Variants in CACNA2D3 observed in about 807,000 individuals in gnomAD.
CACNA2D3 encodes calcium voltage-gated channel auxiliary subunit alpha2delta 3.
CACNA2D3 carries 60 observed loss-of-function variants against 160.6 expected under a neutral mutation model. The observed-to-expected ratio is 0.37, with a 90% confidence interval of 0.30 to 0.46. The LOEUF is 0.46. Ranked by LOEUF, CACNA2D3 falls within the 20% of genes least tolerant of loss-of-function variation. The pLI is 1.00. For missense variants in CACNA2D3, 1,205 were observed against 1,365.0 expected (o/e 0.88, Z 1.85); for synonymous variants, 558 against 492.9 (o/e 1.13, Z -1.75).
intron 5 of CACNA2D3, among the ~76,000 whole-genome samples, chr3:54,526,092 A>G (rs903469733): frequency 6.6e-6 from 1 of 151,702 alleles, no homozygotes; most frequent in Non-Finnish European, 1.5e-5. Context: ...CTCCAGTTCA[A>G]ATATGCTTTT....
At chr3:54,261,842 G>A (rs1425617738) in intron 2 of CACNA2D3, among the ~76,000 whole-genome samples, 1 of 152,194 alleles carries the variant, frequency 6.6e-6, no homozygotes, top group Non-Finnish European at 1.5e-5. Flanking sequence ...ATATGCTAGA[G>A]TGTTTGAAAT....
At chr3:54,660,966 G>C (rs536578111) in intron 11 of CACNA2D3, among the ~76,000 whole-genome samples, 2 of 152,342 alleles carry the variant, frequency 1.3e-5, no homozygotes, top group Admixed American at 6.5e-5. Context: ...CTCTTTGGGG[G>C]AGGCTTGTAA....
chr3:54,597,042 C>T (rs997325670), intron 9 of CACNA2D3, among the ~76,000 whole-genome samples: 1 of 152,162 alleles, frequency 6.6e-6, no homozygotes, highest in African/African-American at 2.4e-5. Flanking sequence ...GTCAGGCTCT[C>T]CATAGATAGC....
intron 2 of CACNA2D3, among the ~76,000 whole-genome samples, chr3:54,160,932 C>T (rs948863496): frequency 2.0e-5 from 3 of 152,156 alleles, no homozygotes; most frequent in Non-Finnish European, 4.4e-5. Context: ...ACCATTTTGC[C>T]GAAAGAAAAA....
intron 4 of CACNA2D3, among the ~76,000 whole-genome samples, chr3:54,467,893 G>C (rs1441143894): frequency 2.0e-5 from 3 of 152,156 alleles, no homozygotes; most frequent in Non-Finnish European, 4.4e-5. Flanking sequence ...TTATCACAAA[G>C]AAATGATGAA....
intron 9 of CACNA2D3, among the ~76,000 whole-genome samples, chr3:54,622,172 C>G (rs1043128821): frequency 2.0e-5 from 3 of 152,176 alleles, no homozygotes; most frequent in Non-Finnish European, 4.4e-5. Flanking sequence ...TCACAGCAGG[C>G]AAAATTGAAG....
chr3:54,762,000 GC>G (rs1331705089), intron 12 of CACNA2D3, among the ~76,000 whole-genome samples: 1 of 152,174 alleles, frequency 6.6e-6, no homozygotes. Flanking sequence ...GATGGAGCTG[GC>G]CTCAGAGGCA....
intron 4 of CACNA2D3, among the ~76,000 whole-genome samples, chr3:54,463,244 A>T (rs1398625419): frequency 4.0e-5 from 6 of 151,886 alleles, no homozygotes; most frequent in Non-Finnish European, 7.4e-5. Flanking sequence ...GAGTCTGACA[A>T]TTACGTGTCT....
intron 11 of CACNA2D3, among the ~76,000 whole-genome samples, chr3:54,709,104 G>A (rs943660445): frequency 4.0e-5 from 6 of 150,876 alleles, no homozygotes; most frequent in Non-Finnish European, 8.8e-5. Flanking sequence ...CCACTTCCTG[G>A]GTTCAAGCAA....
At chr3:54,304,151 C>A (rs1433951918) in intron 2 of CACNA2D3, among the ~76,000 whole-genome samples, 2 of 152,176 alleles carry the variant, frequency 1.3e-5, no homozygotes, top group Non-Finnish European at 2.9e-5. Context: ...GTAGCAACTC[C>A]CTTTCTTCCC....
At chr3:54,242,208 G>A (rs995349953) in intron 2 of CACNA2D3, among the ~76,000 whole-genome samples, 1 of 152,110 alleles carries the variant, frequency 6.6e-6, no homozygotes, top group Admixed American at 6.6e-5. Context: ...ATCAACTGAG[G>A]TCAGGAGTTC....
chr3:54,286,551 A>G (rs1295811798), intron 2 of CACNA2D3, among the ~76,000 whole-genome samples: 1 of 152,236 alleles, frequency 6.6e-6, no homozygotes, highest in African/African-American at 2.4e-5. Context: ...AAGGCAGGCC[A>G]ATATTCAGAT....
chr3:54,688,085 C>A (rs1700504060), intron 11 of CACNA2D3, among the ~76,000 whole-genome samples: 1 of 152,230 alleles, frequency 6.6e-6, no homozygotes, highest in Non-Finnish European at 1.5e-5. Context: ...GTTGTATAAG[C>A]AACATCACAT....
At chr3:54,822,415 T>C (rs1198447202) in intron 14 of CACNA2D3, among the ~76,000 whole-genome samples, 1 of 152,232 alleles carries the variant, frequency 6.6e-6, no homozygotes, top group Non-Finnish European at 1.5e-5. Flanking sequence ...CTAAGTATTT[T>C]GTTCTCTGCC....
In CACNA2D3 at chr3:54,149,263, A is replaced by T. The variant is rs534582106; in HGVS notation, c.204+25669A>T. 3.9e-4 allele frequency among the ~76,000 whole-genome samples: 53 copies of T among 134,982 alleles called. No homozygotes were observed. In the South Asian group the frequency reaches 0.014, roughly 35 times the overall value. The allele number at this position is 134,982 out of a possible 152,430, so 88.6% of individuals were successfully genotyped here. A position where few individuals can be genotyped will look rare whatever the true frequency, so the allele number is the denominator to read the frequency against. On this transcript the variant is annotated intron_variant, in intron 2 of 37. Coordinates refer to ENST00000474759, the MANE Select transcript of CACNA2D3 (RefSeq NM_018398.3). ...CCTAATCACTACAGCAAGGGGTCCCATGTGCACACACACACACACACACAC... is the reference window on the plus strand; with the variant it reads ...CCTAATCACTACAGCAAGGGGTCCCTTGTGCACACACACACACACACACAC...
At chr3:54,987,038 G>A (rs985351175) in intron 30 of CACNA2D3, among the ~76,000 whole-genome samples, 1 of 152,142 alleles carries the variant, frequency 6.6e-6, no homozygotes, top group Admixed American at 6.5e-5. Context: ...GCAAAGCTTC[G>A]AATGACCTTA....
chr3:54,570,750 C>G (rs2106720765), intron 8 of CACNA2D3, among the ~76,000 whole-genome samples: 1 of 152,092 alleles, frequency 6.6e-6, no homozygotes, highest in South Asian at 2.1e-4. Flanking sequence ...AGTAACTTGT[C>G]CAGGTCACAA....
At chr3:54,742,619 G>T (rs781053737) in intron 11 of CACNA2D3, among the ~76,000 whole-genome samples, 2 of 152,160 alleles carry the variant, frequency 1.3e-5, no homozygotes, top group Admixed American at 6.5e-5. Flanking sequence ...GTTACAAAGT[G>T]TAGGGAAAAG....
intron 11 of CACNA2D3, among the ~76,000 whole-genome samples, chr3:54,720,712 T>TC (rs1178393364): frequency 1.3e-5 from 2 of 152,152 alleles, no homozygotes; most frequent in South Asian, 2.1e-4. Flanking sequence ...TTTCTCTCTG[T>TC]CTCATTTTAG....
Sources: gnomAD v4.1 joint callset for allele counts (sites outside exome capture counted in the v4.1 genomes callset) on GRCh38, gnomAD v4.1.1 for gene constraint, MANE v1.5 for transcripts, NCBI Gene and HGNC (gene_info 2026-07-23, HGNC 2026-07-21) for gene names.